SOX6: variants seen among roughly 807,000 people sequenced by gnomAD.
SOX6 encodes the protein SRY-box transcription factor 6.
A neutral mutation model predicts 97.8 loss-of-function variants in SOX6; 11 were observed. The observed-to-expected ratio is 0.11, with a 90% confidence interval of 0.07 to 0.19. The LOEUF (loss-of-function observed/expected upper bound fraction) is 0.19, where lower values mean the gene tolerates loss of function less well. Among genes scored for constraint, SOX6 ranks in the 10% least tolerant of loss-of-function variants. SOX6 has a pLI of 1.00. For synonymous variants in SOX6, 360 were observed against 371.4 expected (o/e 0.97, Z 0.35); for missense variants, 810 against 1,039.5 (o/e 0.78, Z 3.04).
chr11:16,404,469 A>T (rs1294540932), intron 1 of SOX6, among the ~76,000 whole-genome samples: 1 of 151,978 alleles, frequency 6.6e-6, no homozygotes, highest in Non-Finnish European at 1.5e-5. Context: ...ATTGTTAACA[A>T]CCAATTAAGC....
intron 3 of SOX6, among the ~76,000 whole-genome samples, chr11:16,251,025 C>T (rs1339240838): frequency 6.6e-6 from 1 of 151,996 alleles, no homozygotes; most frequent in Admixed American, 6.6e-5. Flanking sequence ...GAAAGTCCCT[C>T]AAATGATTGG....
At chr11:16,362,214 G>A (rs537864433) in intron 1 of SOX6, among the ~76,000 whole-genome samples, 3 of 152,232 alleles carry the variant, frequency 2.0e-5, no homozygotes, top group Non-Finnish European at 4.4e-5. Context: ...CTGCAAAATG[G>A]ACAATGACTA....
intron 1 of SOX6, among the ~76,000 whole-genome samples, chr11:16,348,473 C>T (rs1029351560): frequency 2.0e-5 from 3 of 152,048 alleles, no homozygotes; most frequent in Non-Finnish European, 4.4e-5. Flanking sequence ...AAAAGGAGTG[C>T]ATTTTAATCC....
At chr11:16,395,288 A>G (rs1858318652) in intron 1 of SOX6, among the ~76,000 whole-genome samples, 1 of 151,898 alleles carries the variant, frequency 6.6e-6, no homozygotes, top group Non-Finnish European at 1.5e-5. Context: ...TCAAATTGCA[A>G]TATCTGCTAT....
chr11:16,062,799 T>A (rs1377729447), intron 9 of SOX6, among the ~76,000 whole-genome samples: 1 of 151,752 alleles, frequency 6.6e-6, no homozygotes, highest in East Asian at 1.9e-4. Flanking sequence ...GCAGCTTTAA[T>A]AAAGTAGCTA....
intron 3 of SOX6, among the ~76,000 whole-genome samples, chr11:16,271,600 C>T (rs1228454496): frequency 6.6e-6 from 1 of 151,246 alleles, no homozygotes; most frequent in Non-Finnish European, 1.5e-5. Flanking sequence ...ATTTTTATTT[C>T]TCTAGAAAAT....
intron 7 of SOX6, among the ~76,000 whole-genome samples, chr11:16,111,491 A>AC (rs1422001535): frequency 1.3e-5 from 2 of 152,196 alleles, no homozygotes; most frequent in African/African-American, 4.8e-5. Flanking sequence ...AGGATCTTTA[A>AC]CCAAAAAACA....
rs534914687 is a variant in SOX6 at position 16,520,495 on chromosome 11, G to A, written n.610-44107C>T. Among the ~76,000 whole-genome samples the A allele has an allele frequency of 4.3e-4, 66 of 152,280 alleles. 3 individuals are homozygous for A. The highest frequency in any genetic ancestry group is 1.1e-3 in the African/African-American group (46 of 41,558). On this transcript the variant is annotated intron_variant and non_coding_transcript_variant, in intron 4 of 5. Coordinates refer to the SOX6 transcript ENST00000524520. ...AACTTCTTAAAGTAAACCTTGGGCC[G>A]AGCCAAGATGGCCAAATAGGAACAG...
At chr11:16,716,489 G>A (rs902241577) in intron 2 of SOX6, among the ~76,000 whole-genome samples, 5 of 152,146 alleles carry the variant, frequency 3.3e-5, no homozygotes, top group Admixed American at 1.3e-4. Context: ...TTCAATGGTT[G>A]TAAAGGAACA....
At chr11:16,544,474 G>T (rs146365881) in intron 4 of SOX6, among the ~76,000 whole-genome samples, 4 of 152,144 alleles carry the variant, frequency 2.6e-5, no homozygotes, top group Non-Finnish European at 1.5e-5. Context: ...TGACTAGGCT[G>T]GTCTCAAACT....
chr11:16,441,767 G>A (rs1176394148), intron 1 of SOX6, among the ~76,000 whole-genome samples: 1 of 152,108 alleles, frequency 6.6e-6, no homozygotes, highest in East Asian at 1.9e-4. Context: ...TTCCAGCATA[G>A]ATTTAATCTC....
intron 4 of SOX6, among the ~76,000 whole-genome samples, chr11:16,545,059 T>G (rs954520533): frequency 6.6e-5 from 10 of 151,872 alleles, no homozygotes; most frequent in Non-Finnish European, 1.5e-4. Context: ...CCCATATCAT[T>G]TTTTAAAAAC....
intron 2 of SOX6, among the ~76,000 whole-genome samples, chr11:16,334,593 AATTTTTGTATTTTTAGTAGAG>A (rs1276433420): frequency 6.6e-6 from 1 of 151,846 alleles, no homozygotes; most frequent in Non-Finnish European, 1.5e-5. Flanking sequence ...ACGTCTGGCT[AATTTTTGTATTTTTAGTAGAG>A]ATGGGGTTTC....
intron 4 of SOX6, among the ~76,000 whole-genome samples, chr11:16,208,638 T>C (rs1453706561): frequency 6.6e-6 from 1 of 152,214 alleles, no homozygotes; most frequent in African/African-American, 2.4e-5. Context: ...GGAAAACAAC[T>C]AACTGTATTT....
At chr11:16,453,389 C>A (rs1274882162) in intron 1 of SOX6, among the ~76,000 whole-genome samples, 1 of 152,022 alleles carries the variant, frequency 6.6e-6, no homozygotes. Flanking sequence ...GTGTAGTACC[C>A]ATATCCTCAA....
chr11:16,295,752 A>C (rs1855062731), intron 3 of SOX6, among the ~76,000 whole-genome samples: 1 of 152,122 alleles, frequency 6.6e-6, no homozygotes, highest in Non-Finnish European at 1.5e-5. Flanking sequence ...CTATTTTCAG[A>C]GCAGACTCCA....
At chr11:16,219,305 A>C (rs1852469120) in intron 4 of SOX6, among the ~76,000 whole-genome samples, 1 of 152,054 alleles carries the variant, frequency 6.6e-6, no homozygotes. Context: ...CAGCGTTTTT[A>C]AGGTTATATT....
chr11:16,578,095 A>G (rs1456980087), intron 4 of SOX6, among the ~76,000 whole-genome samples: 3 of 152,112 alleles, frequency 2.0e-5, no homozygotes, highest in Non-Finnish European at 4.4e-5. Flanking sequence ...AATTTTTTAT[A>G]TGGTGTGAGG....
At chr11:16,323,371 CA>C (rs1855982150) in intron 2 of SOX6, among the ~76,000 whole-genome samples, 2 of 152,022 alleles carry the variant, frequency 1.3e-5, no homozygotes, top group African/African-American at 2.4e-5. Context: ...ATATTAAAAA[CA>C]AAAAACATTA....
Sources: gnomAD v4.1 joint callset for allele counts (sites outside exome capture counted in the v4.1 genomes callset) on GRCh38, gnomAD v4.1.1 for gene constraint, MANE v1.5 for transcripts, NCBI Gene and HGNC (gene_info 2026-07-23, HGNC 2026-07-21) for gene names.